The following FLT1 variants were observed in gnomAD, a reference collection of about 807,000 sequenced individuals.
FLT1 encodes the protein vascular endothelial growth factor receptor 1.
In FLT1, 49 loss-of-function variants were observed where a neutral mutation model predicts 156.3. The observed-to-expected ratio is 0.31, with a 90% CI of 0.25 to 0.40. The LOEUF (loss-of-function observed/expected upper bound fraction) is 0.40. FLT1 is among the 10% of genes least tolerant of loss of function. The pLI is 1.00. For missense variants in FLT1, 1,322 were observed against 1,637.2 expected (o/e 0.81, Z 3.32); for synonymous variants, 594 against 583.8 (o/e 1.02, Z -0.25).
At chr13:28,349,158 G>C (rs987068441) in intron 15 of FLT1, among the ~76,000 whole-genome samples, 3 of 152,086 alleles carry the variant, frequency 2.0e-5, no homozygotes, top group African/African-American at 7.2e-5. Flanking sequence ...ACATTTCCAG[G>C]GTTCAGAATA....
chr13:28,481,106 C>T (rs938432681), intron 1 of FLT1, among the ~76,000 whole-genome samples: 5 of 152,180 alleles, frequency 3.3e-5, no homozygotes, highest in Non-Finnish European at 4.4e-5. Flanking sequence ...CCTAGTGACT[C>T]GGGCTCTGTT....
intron 10 of FLT1, among the ~76,000 whole-genome samples, chr13:28,412,307 C>CTTTCTTTCTTTCTTTCTT (rs1320043849): frequency 5.6e-5 from 3 of 53,564 alleles, no homozygotes; most frequent in Admixed American, 2.4e-4. Flanking sequence ...TTTTCTCTTT[C>CTTTCTTTCTTTCTTTCTT]TCTTTCTTTC....
At chr13:28,494,747 C>G (rs370812924) in intron 1 of FLT1, 33 bp downstream of exon 1, 3 of 1,527,832 alleles carry the variant, frequency 2.0e-6, no homozygotes, top group African/African-American at 2.8e-5. Flanking sequence ...CATCGCAGCC[C>G]GCCTCAGGCC....
At chr13:28,321,613 G>A in intron 22 of FLT1, 28 bp from the exon 23 acceptor site, 1 of 1,612,802 alleles carries the variant, frequency 6.2e-7, no homozygotes, top group Non-Finnish European at 8.5e-7. Context: ...CATAATCAAT[G>A]CATTTCCTTA....
chr13:28,326,373 C>T (rs17619601), intron 20 of FLT1, among the ~76,000 whole-genome samples: 7,635 of 152,208 alleles, frequency 0.05, 263 homozygotes, highest in South Asian at 0.08. Context: ...GGGTTCATCA[C>T]CAGTGTTGCT....
intron 29 of FLT1, 146 bp downstream of exon 29, chr13:28,306,530 TGG>T: frequency 2.9e-6 from 2 of 687,268 alleles, no homozygotes; most frequent in Admixed American, 2.1e-5. Flanking sequence ...TTTTGCCCTC[TGG>T]GGGGAAATGG....
At chr13:28,316,666 TCTCA>T in intron 25 of FLT1, among the ~76,000 whole-genome samples, 1 of 147,586 alleles carries the variant, frequency 6.8e-6, no homozygotes, top group Non-Finnish European at 1.5e-5. Flanking sequence ...TGAGACATAA[TCTCA>T]CTCTGTCACC....
chr13:28,311,472 C>CTCTT (rs779716870), intron 27 of FLT1, 118 bp downstream of exon 27: 5 of 893,250 alleles, frequency 5.6e-6, no homozygotes, highest in Middle Eastern at 3.4e-4. Flanking sequence ...CTTTCTTTCT[C>CTCTT]TCTTTCTTTC....
At chr13:28,447,332 C>T (rs1460523784) in intron 3 of FLT1, among the ~76,000 whole-genome samples, 2 of 150,338 alleles carry the variant, frequency 1.3e-5, no homozygotes, top group Non-Finnish European at 1.5e-5. Context: ...GAATGTGCCA[C>T]CACACCCAGC....
chr13:28,391,248 G>A (rs985005472), intron 12 of FLT1, among the ~76,000 whole-genome samples: 13 of 152,016 alleles, frequency 8.6e-5, no homozygotes, highest in Admixed American at 7.9e-4. Flanking sequence ...CTCCAATGTC[G>A]ATTCCCAGCT....
chr13:28,457,355 C>T (rs923100386), intron 3 of FLT1, among the ~76,000 whole-genome samples: 4 of 152,114 alleles, frequency 2.6e-5, no homozygotes, highest in African/African-American at 9.7e-5. Context: ...GCAATTTGTC[C>T]AAAGTCAAAG....
chr13:28,411,015 T>TG (rs1345159569), intron 10 of FLT1, among the ~76,000 whole-genome samples: 7 of 152,026 alleles, frequency 4.6e-5, no homozygotes, highest in South Asian at 2.1e-4. Context: ...AGGAAAACTC[T>TG]GGGGGGCCTC....
intron 1 of FLT1, among the ~76,000 whole-genome samples, chr13:28,482,315 G>C (rs1160730688): frequency 1.3e-5 from 2 of 152,088 alleles, no homozygotes; most frequent in African/African-American, 4.8e-5. Context: ...GTGCATGCCT[G>C]TAATCCCAGC....
chr13:28,399,248 G>A, intron 11 of FLT1: 1 of 532,652 alleles, frequency 1.9e-6, no homozygotes, highest in Non-Finnish European at 3.3e-6. Flanking sequence ...TTTAAGCTGG[G>A]GTGTCAGCTC....
chr13:28,349,483 C>T (rs542104669), intron 15 of FLT1, among the ~76,000 whole-genome samples: 3 of 152,196 alleles, frequency 2.0e-5, no homozygotes, highest in African/African-American at 7.2e-5. Flanking sequence ...CACACACACA[C>T]ACGCACACAT....
chr13:28,375,064 A>C (rs1873784605), intron 14 of FLT1, among the ~76,000 whole-genome samples: 1 of 152,176 alleles, frequency 6.6e-6, no homozygotes, highest in African/African-American at 2.4e-5. Context: ...TATGCTGTAA[A>C]ATGCATCCAG....
chr13:28,303,492 A>ACC (rs5802470), intron 29 of FLT1, 124 bp from the exon 30 acceptor site: 35,776 of 641,344 alleles, frequency 0.056, 1,347 homozygotes, highest in East Asian at 0.16. Flanking sequence ...TGGTTTTGGA[A>ACC]CCCCCCCCCC....
At chr13:28,418,705 A>G (rs914536186) in intron 10 of FLT1, among the ~76,000 whole-genome samples, 1 of 152,128 alleles carries the variant, frequency 6.6e-6, no homozygotes, top group Non-Finnish European at 1.5e-5. Context: ...CTGGAACCAT[A>G]GGCGCATGTC....
chr13:28,362,090 T>C (rs1335682178), intron 14 of FLT1, among the ~76,000 whole-genome samples: 1 of 152,176 alleles, frequency 6.6e-6, no homozygotes, highest in African/African-American at 2.4e-5. Flanking sequence ...TGGAAACAGA[T>C]ACTTTGTAGA....
Sources: allele counts gnomAD v4.1 joint callset (sites outside exome capture counted in the v4.1 genomes callset), GRCh38; gene constraint gnomAD v4.1.1; transcripts MANE v1.5; gene names NCBI Gene and HGNC (gene_info 2026-07-23, HGNC 2026-07-21).